TMEM276: variants seen among roughly 807,000 people sequenced by gnomAD.
TMEM276 encodes transmembrane protein 276.
the TMEM276 span, chr8:144,466,951 A>G: frequency 1.3e-6 from 2 of 1,589,418 alleles, no homozygotes; most frequent in Non-Finnish European, 1.7e-6. Flanking sequence ...CTCCTCCCTG[A>G]CCGGCAGCCA....
At chr8:144,466,841 A>G in the TMEM276 span, 3 of 1,537,006 alleles carry the variant, frequency 2.0e-6, no homozygotes, top group Non-Finnish European at 2.6e-6. Context: ...CCTGGCCGGT[A>G]GGTGCGGGCT....
the TMEM276 span, chr8:144,466,086 T>G: frequency 7.9e-5 from 12 of 151,904 alleles, no homozygotes; most frequent in African/African-American, 2.7e-4. Context: ...TGTTGAAGGC[T>G]CCGCGAAACC....
the TMEM276 span, chr8:144,465,505 G>A: frequency 1.1e-6 from 1 of 930,474 alleles, no homozygotes; most frequent in Non-Finnish European, 1.3e-6. Context: ...GCGGAGGCTA[G>A]AGCGGCCGGG....
At chr8:144,466,937 C>A in the TMEM276 span, 3 of 1,582,878 alleles carry the variant, frequency 1.9e-6, no homozygotes, top group African/African-American at 2.7e-5. Context: ...AAATGTCTCC[C>A]GCCCTCCTCC....
the TMEM276 span, chr8:144,464,651 G>A: frequency 2.5e-6 from 4 of 1,580,246 alleles, no homozygotes; most frequent in South Asian, 3.4e-5. Context: ...GGGAAAAAGA[G>A]GCCGGGGTCA....
the TMEM276 span, chr8:144,465,205 G>T: frequency 7.9e-7 from 1 of 1,265,964 alleles, no homozygotes; most frequent in Non-Finnish European, 1.0e-6. Flanking sequence ...TGGGAGTGCG[G>T]GCCTGGGGAA....
the TMEM276 span, chr8:144,465,324 A>C: frequency 2.1e-6 from 2 of 933,700 alleles, no homozygotes; most frequent in South Asian, 2.2e-5. Flanking sequence ...ACGGCGCAGG[A>C]CTCCGGGAGG....
At chr8:144,466,941 C>G in the TMEM276 span, 4,878 of 1,586,002 alleles carry the variant, frequency 3.1e-3, 82 homozygotes, top group African/African-American at 0.037. Context: ...GTCTCCCGCC[C>G]TCCTCCCTGA....
chr8:144,463,984 ACT>A, the TMEM276 span: 1 of 1,511,140 alleles, frequency 6.6e-7, no homozygotes, highest in Non-Finnish European at 8.8e-7. Flanking sequence ...CAGCACCCAG[ACT>A]CTGCCCCTGA....
chr8:144,465,079 T>C, the TMEM276 span: 1 of 1,526,148 alleles, frequency 6.6e-7, no homozygotes, highest in African/African-American at 1.4e-5. Context: ...TCCGGATCCC[T>C]GAGGCCACTG....
At chr8:144,465,261 G>C in the TMEM276 span, 1 of 1,118,884 alleles carries the variant, frequency 8.9e-7, no homozygotes, top group Admixed American at 3.7e-5. Context: ...GCCTCGGCCT[G>C]CTCCCTGCGT....
the TMEM276 span, chr8:144,466,313 G>T: frequency 3.7e-6 from 1 of 272,950 alleles, no homozygotes; most frequent in Non-Finnish European, 6.3e-6. Context: ...GGCCGTGGGG[G>T]CGGCCGTCGC....
chr8:144,464,240 C>T, the TMEM276 span: 3 of 1,613,066 alleles, frequency 1.9e-6, no homozygotes, highest in South Asian at 3.3e-5. Context: ...CTGTCCTCCT[C>T]CAGCCGGCTC....
the TMEM276 span, chr8:144,466,364 TGGGCGCGG>T: frequency 2.7e-6 from 2 of 728,552 alleles, no homozygotes. Context: ...GCGCCGAGTC[TGGGCGCGG>T]GGACGCGGGG....
At chr8:144,464,628 A>G in the TMEM276 span, 2 of 1,597,510 alleles carry the variant, frequency 1.3e-6, no homozygotes, top group Non-Finnish European at 1.7e-6. Context: ...AACACAGGGA[A>G]GGGAGAACAC....
At chr8:144,465,508 C>T in the TMEM276 span, 1 of 880,108 alleles carries the variant, frequency 1.1e-6, no homozygotes, top group Non-Finnish European at 1.3e-6. Flanking sequence ...GAGGCTAGAG[C>T]GGCCGGGCGG....
the TMEM276 span, chr8:144,466,874 G>A: frequency 1.3e-6 from 2 of 1,536,904 alleles, no homozygotes; most frequent in South Asian, 1.2e-5. Flanking sequence ...GTGCGAGGGC[G>A]GTGCCGGGAC....
At chr8:144,466,986 A>C in the TMEM276 span, 1 of 1,596,814 alleles carries the variant, frequency 6.3e-7, no homozygotes, top group African/African-American at 1.3e-5. Context: ...GATGGGTCGG[A>C]AGGCGCAGCC....
the TMEM276 span, chr8:144,464,543 G>A: frequency 1.2e-6 from 2 of 1,612,074 alleles, no homozygotes; most frequent in South Asian, 1.1e-5. Context: ...TGTGTGCTCA[G>A]CCCTGGGGCC....
Sources: allele counts gnomAD v4.1 joint callset, GRCh38; gene constraint gnomAD v4.1.1; transcripts MANE v1.5; gene names NCBI Gene and HGNC (gene_info 2026-07-23, HGNC 2026-07-21).